FAM20B: variants seen among roughly 807,000 people sequenced by gnomAD.
FAM20B encodes FAM20B glycosaminoglycan xylosylkinase.
In FAM20B, 23 loss-of-function variants were observed where a neutral mutation model predicts 43.8. That is an observed-to-expected ratio of 0.53 (90% CI 0.38 to 0.74). FAM20B has a LOEUF of 0.74. Among genes scored for constraint, FAM20B ranks in the 30% least tolerant of loss-of-function variants. FAM20B has a pLI of 0.00. For missense variants in FAM20B, 440 were observed against 510.5 expected (o/e 0.86, Z 1.33); for synonymous variants, 178 against 192.4 (o/e 0.93, Z 0.62).
At chr1:179,023,781 T>C (rs1205762307), upstream of FAM20B, among the ~76,000 whole-genome samples, 1 of 152,236 alleles carries the variant, frequency 6.6e-6, no homozygotes, top group Non-Finnish European at 1.5e-5. Context: ...TTTCCTGGAC[T>C]GTGATTCTTT....
intron 1 of FAM20B, among the ~76,000 whole-genome samples, chr1:179,040,196 A>C (rs1205610912): frequency 1.3e-5 from 2 of 150,614 alleles, no homozygotes; most frequent in Admixed American, 1.3e-4. Context: ...CCCCCTTTCT[A>C]CTCCACAAAA....
intron 1 of FAM20B, among the ~76,000 whole-genome samples, chr1:179,030,485 C>A (rs1181504346): frequency 6.6e-6 from 1 of 152,092 alleles, no homozygotes; most frequent in Admixed American, 6.5e-5. Flanking sequence ...TAATCCCAGC[C>A]GATACTAGGA....
At chr1:179,050,673 C>T (rs778116889) in intron 3 of FAM20B, among the ~76,000 whole-genome samples, 6 of 152,070 alleles carry the variant, frequency 3.9e-5, no homozygotes, top group Non-Finnish European at 8.8e-5. Flanking sequence ...TTGAACTGGT[C>T]GTTAATTGGG....
At chr1:179,067,581 G>C (rs906402919) in intron 7 of FAM20B, among the ~76,000 whole-genome samples, 1 of 151,978 alleles carries the variant, frequency 6.6e-6, no homozygotes, top group African/African-American at 2.4e-5. Flanking sequence ...TCCATTCTGG[G>C]TGACAGAGTG....
In FAM20B at chr1:179,050,261, T is replaced by C; in HGVS notation, c.378-18T>C. 4 of 1,586,460 alleles carry C rather than the reference T, an allele frequency of 2.5e-6. No homozygotes were observed. Among genetic ancestry groups the C allele is most frequent in the Non-Finnish European group, 3.5e-6 (4 of 1,155,050 alleles). ...GTGTAATCCACGTATACATCTGTGCTTCCCATTCACTTTGCAGGTATAGCC... is the reference window on the plus strand; with the variant it reads ...GTGTAATCCACGTATACATCTGTGCCTCCCATTCACTTTGCAGGTATAGCC... On this transcript the variant is annotated intron_variant, in intron 2 of 7. Coordinates refer to ENST00000263733, the MANE Select transcript of FAM20B (RefSeq NM_014864.4).
At chr1:179,040,889 C>A (rs1291505743) in intron 1 of FAM20B, among the ~76,000 whole-genome samples, 1 of 151,622 alleles carries the variant, frequency 6.6e-6, no homozygotes, top group Non-Finnish European at 1.5e-5. Flanking sequence ...GCTCTCCTCA[C>A]TTCTCAGACG....
rs569109623 is a variant in FAM20B, at chr1:179,041,384, G to A, written c.-133-2331G>A. ...GGGCACCATTGAGCACTGAGTGAAC[G>A]AGACTCCGTCTGCAATCCCGGCACG... is the stretch of plus-strand genomic sequence containing the variant. On this transcript the variant is annotated intron_variant, in intron 1 of 7. Coordinates refer to ENST00000263733, the MANE Select transcript of FAM20B (RefSeq NM_014864.4). Among the ~76,000 whole-genome samples, 103 of 152,230 alleles carry A rather than the reference G, an allele frequency of 6.8e-4. 3 individuals are homozygous for A. In the East Asian group the frequency reaches 0.016, roughly 24 times the overall value.
chr1:179,064,922 T>A (rs1651626852), intron 6 of FAM20B, among the ~76,000 whole-genome samples: 1 of 152,218 alleles, frequency 6.6e-6, no homozygotes, highest in Non-Finnish European at 1.5e-5. Context: ...TTTTGCTATT[T>A]TTGTGTTTGT....
At chr1:179,019,753 C>T in the FAM20B span, among the ~76,000 whole-genome samples, 6 of 152,112 alleles carry the variant, frequency 3.9e-5, no homozygotes, top group African/African-American at 9.7e-5. Context: ...TGGGCCACTG[C>T]GCCTGGCCGA....
chr1:179,018,179 C>T, the FAM20B span, among the ~76,000 whole-genome samples: 1 of 152,218 alleles, frequency 6.6e-6, no homozygotes, highest in Admixed American at 6.5e-5. Context: ...CCTGGGAGAA[C>T]ACCTCCATCT....
chr1:179,053,359 C>G (rs1006392960), intron 3 of FAM20B, among the ~76,000 whole-genome samples: 1 of 152,012 alleles, frequency 6.6e-6, no homozygotes, highest in African/African-American at 2.4e-5. Flanking sequence ...TCACTTGAGC[C>G]CAGGAGTTCC....
upstream of FAM20B, among the ~76,000 whole-genome samples, chr1:179,022,309 C>T (rs1649617065): frequency 6.6e-6 from 1 of 152,126 alleles, no homozygotes; most frequent in Admixed American, 6.5e-5. Flanking sequence ...TTTCCCGTCA[C>T]CCTCTCCCCA....
chr1:179,064,284 T>TCA, intron 5 of FAM20B, 21 bp from the exon 6 acceptor site: 1 of 1,588,002 alleles, frequency 6.3e-7, no homozygotes, highest in Non-Finnish European at 8.6e-7. Flanking sequence ...CACTCAGTGC[T>TCA]GTGATGCTGC....
chr1:179,032,240 A>G (rs181337036), intron 1 of FAM20B, among the ~76,000 whole-genome samples: 1 of 150,928 alleles, frequency 6.6e-6, no homozygotes, highest in African/African-American at 2.4e-5. Context: ...TGATATGGTG[A>G]TAATGACTAG....
upstream of FAM20B, among the ~76,000 whole-genome samples, chr1:179,022,260 G>A (rs554460834): frequency 6.6e-6 from 1 of 152,322 alleles, no homozygotes; most frequent in Admixed American, 6.5e-5. Flanking sequence ...GCTCCTGGAA[G>A]GAAACAGAGA....
chr1:179,046,549 G>A (rs1650780294), intron 2 of FAM20B, among the ~76,000 whole-genome samples: 1 of 152,148 alleles, frequency 6.6e-6, no homozygotes, highest in Non-Finnish European at 1.5e-5. Flanking sequence ...CTACTCAGGA[G>A]TCTGAGGCAG....
intron 4 of FAM20B, among the ~76,000 whole-genome samples, chr1:179,060,515 C>T (rs1651418987): frequency 6.6e-6 from 1 of 152,156 alleles, no homozygotes; most frequent in Non-Finnish European, 1.5e-5. Context: ...CATAGGAGCA[C>T]AAGCCCTATT....
upstream of FAM20B, chr1:179,025,873 G>C (rs1278703457): frequency 6.8e-6 from 1 of 147,066 alleles, no homozygotes; most frequent in Admixed American, 6.7e-5. Flanking sequence ...CAACAGCCGG[G>C]GGCCTCGGAG....
intron 4 of FAM20B, among the ~76,000 whole-genome samples, chr1:179,061,332 A>C (rs1221802377): frequency 6.6e-6 from 1 of 151,918 alleles, no homozygotes; most frequent in Non-Finnish European, 1.5e-5. Context: ...GAGTTCACTT[A>C]GTATGATAGT....
Sources: allele counts gnomAD v4.1 joint callset (sites outside exome capture counted in the v4.1 genomes callset), GRCh38; gene constraint gnomAD v4.1.1; transcripts MANE v1.5; gene names NCBI Gene and HGNC (gene_info 2026-07-23, HGNC 2026-07-21).